MYO16: variants seen among roughly 807,000 people sequenced by gnomAD.
MYO16 encodes the protein unconventional myosin-XVI.
In MYO16, 94 loss-of-function variants were observed where a neutral mutation model predicts 205.3. The observed-to-expected ratio is 0.46, with a 90% CI of 0.39 to 0.54. The LOEUF (loss-of-function observed/expected upper bound fraction) is 0.54, where lower values mean the gene tolerates loss of function less well. Among genes scored for constraint, MYO16 ranks in the 20% least tolerant of loss-of-function variants. The pLI is 0.00. For synonymous variants in MYO16, 988 were observed against 954.0 expected (o/e 1.04, Z -0.66); for missense variants, 2,315 against 2,387.5 (o/e 0.97, Z 0.63).
chr13:109,001,247 A>G (rs1885202150), intron 21 of MYO16, among the ~76,000 whole-genome samples: 1 of 151,896 alleles, frequency 6.6e-6, no homozygotes, highest in African/African-American at 2.4e-5. Flanking sequence ...AGAAATACAA[A>G]CAAAAACAAA....
At chr13:109,028,336 C>T in intron 23 of MYO16, 1 of 256,030 alleles carries the variant, frequency 3.9e-6, no homozygotes, top group Non-Finnish European at 7.8e-6. Context: ...TATTTCTCAA[C>T]TACAATATTA....
intron 16 of MYO16, among the ~76,000 whole-genome samples, chr13:108,920,262 C>T (rs1050743922): frequency 3.9e-5 from 6 of 152,100 alleles, no homozygotes; most frequent in Non-Finnish European, 5.9e-5. Context: ...AGACCTCTGC[C>T]TTTTGTTCCA....
At chr13:108,777,492 T>C (rs1227951409) in intron 4 of MYO16, among the ~76,000 whole-genome samples, 1 of 152,128 alleles carries the variant, frequency 6.6e-6, no homozygotes, top group Admixed American at 6.5e-5. Flanking sequence ...TTAGAGAGGA[T>C]GTGGCAGTGG....
chr13:109,160,090 A>G (rs1401073405), intron 32 of MYO16, among the ~76,000 whole-genome samples: 1 of 152,236 alleles, frequency 6.6e-6, no homozygotes, highest in Non-Finnish European at 1.5e-5. Context: ...GATGTTTTGC[A>G]GCATTTCTGG....
chr13:108,553,283 G>T, the MYO16 span, among the ~76,000 whole-genome samples: 1 of 152,014 alleles, frequency 6.6e-6, no homozygotes, highest in Non-Finnish European at 1.5e-5. Flanking sequence ...GAGCCACCGC[G>T]CCTGGCGTTA....
intron 4 of MYO16, among the ~76,000 whole-genome samples, chr13:108,754,320 A>T (rs1218011657): frequency 6.6e-6 from 1 of 152,244 alleles, no homozygotes. Context: ...AAGCTGTAGC[A>T]TGCAGAACAA....
Position 109,140,541 on chromosome 13 carries a change from GC to G in MYO16, c.4332del (p.Asp1445IlefsTer13). ...TCGAGATGCTGGGGCACGCGGCCAG[GC>G]CCGATAGCCCGGACCCCGGGGAGTC... ...YIEMLGHAAR[P>X]DSPDPGESVY... On this transcript the variant is annotated frameshift_variant, in exon 32 of 35. Coordinates refer to ENST00000457511, the MANE Select transcript of MYO16 (RefSeq NM_001198950.3). LOFTEE classifies it high-confidence loss of function. The surrounding 1 kb of genome is among the most constrained non-coding windows in gnomAD (Gnocchi z 8.0). The G allele has an allele frequency of 6.5e-7, 1 of 1,546,802 alleles. No individual in the cohort carries two copies. Among genetic ancestry groups the G allele is most frequent in the Non-Finnish European group, 8.7e-7 (1 of 1,154,144 alleles).
At chr13:108,860,530 A>G (rs184926191) in intron 11 of MYO16, among the ~76,000 whole-genome samples, 14 of 152,280 alleles carry the variant, frequency 9.2e-5, no homozygotes, top group Non-Finnish European at 1.6e-4. Context: ...ATACCCGGTA[A>G]TGGGATTGCT....
At chr13:108,891,158 A>G (rs956084196) in intron 14 of MYO16, among the ~76,000 whole-genome samples, 2 of 152,250 alleles carry the variant, frequency 1.3e-5, no homozygotes, top group Non-Finnish European at 2.9e-5. Flanking sequence ...TTAACTTTAC[A>G]TTATCAAATA....
intron 16 of MYO16, among the ~76,000 whole-genome samples, chr13:108,952,950 C>T (rs192891997): frequency 1.0e-3 from 153 of 152,156 alleles, no homozygotes; most frequent in Non-Finnish European, 1.9e-3. Flanking sequence ...AGATGAAACT[C>T]TTGCTTTGAT....
intron 3 of MYO16, among the ~76,000 whole-genome samples, chr13:108,725,894 C>CTGGAACAG (rs1404925317): frequency 1.3e-5 from 2 of 152,164 alleles, no homozygotes; most frequent in Admixed American, 1.3e-4. Context: ...AGGTAGGAGG[C>CTGGAACAG]TGGAACAGTA....
chr13:108,524,377 C>G, the MYO16 span, among the ~76,000 whole-genome samples: 1 of 152,030 alleles, frequency 6.6e-6, no homozygotes, highest in African/African-American at 2.4e-5. Flanking sequence ...CTCTCCCTCT[C>G]TCTTCTGTTT....
At chr13:108,770,177 CTCAATAAATATTT>C (rs1243427655) in intron 4 of MYO16, among the ~76,000 whole-genome samples, 1 of 152,052 alleles carries the variant, frequency 6.6e-6, no homozygotes, top group African/African-American at 2.4e-5. Context: ...AATAAATGCA[CTCAATAAATATTT>C]TCAATAAATG....
At chr13:108,951,940 C>G (rs1458334307) in intron 16 of MYO16, among the ~76,000 whole-genome samples, 6 of 152,026 alleles carry the variant, frequency 3.9e-5, no homozygotes. Flanking sequence ...GCCATCACTA[C>G]TAAAAAAACA....
the MYO16 span, among the ~76,000 whole-genome samples, chr13:108,574,696 TGTGTGTGTGTGTGC>T: frequency 2.2e-4 from 30 of 134,328 alleles, no homozygotes; most frequent in African/African-American, 8.9e-4. Context: ...TGTGTGTGTG[TGTGTGTGTGTGTGC>T]GCTTGTGTGT....
At position 108,911,755 on chromosome 13, in the gene MYO16, A is replaced by G. The variant is rs75867098; in HGVS notation, c.1925+1605A>G. On this transcript the variant is annotated intron_variant, in intron 16 of 34. Coordinates refer to ENST00000457511, the MANE Select transcript of MYO16 (RefSeq NM_001198950.3). ...GGAACCAGAGAGCTAAATTCCTGGT[A>G]TGGTAGTGGGGAGGTGGTGTTAGCA... Among the ~76,000 whole-genome samples, 219 of 152,252 alleles carry G rather than the reference A, an allele frequency of 1.4e-3. 2 individuals carry two copies. The highest frequency in any genetic ancestry group is 5.1e-3 in the African/African-American group (212 of 41,556).
At chr13:108,539,022 A>T in the MYO16 span, among the ~76,000 whole-genome samples, 1 of 152,000 alleles carries the variant, frequency 6.6e-6, no homozygotes, top group African/African-American at 2.4e-5. Flanking sequence ...CTCTGCCTTT[A>T]CCTGGTGCTT....
intron 9 of MYO16, among the ~76,000 whole-genome samples, chr13:108,827,487 A>G (rs116810272): frequency 4.1e-4 from 63 of 152,270 alleles, no homozygotes; most frequent in African/African-American, 1.3e-3. Flanking sequence ...GGAAATGCCT[A>G]TGCTATTTGA....
At chr13:108,602,788 A>T (rs935007137) in intron 1 of MYO16, among the ~76,000 whole-genome samples, 1 of 152,174 alleles carries the variant, frequency 6.6e-6, no homozygotes, top group African/African-American at 2.4e-5. Flanking sequence ...CACCAATGGA[A>T]TCCATTTTCC....
Sources: allele counts gnomAD v4.1 joint callset (sites outside exome capture counted in the v4.1 genomes callset), GRCh38; gene constraint gnomAD v4.1.1; non-coding constraint Gnocchi (gnomAD v3.1); transcripts MANE v1.5; gene names NCBI Gene and HGNC (gene_info 2026-07-23, HGNC 2026-07-21).